Variants in C19orf12 observed in about 807,000 individuals in gnomAD.
C19orf12 encodes chromosome 19 open reading frame 12.
C19orf12 carries 2 observed loss-of-function variants against 3.8 expected under a neutral mutation model. The ratio of observed to expected loss-of-function variants is 0.53; its 90% CI spans 0.22 to 1.66. The LOEUF (loss-of-function observed/expected upper bound fraction) is 1.66. Ranked by LOEUF, C19orf12 falls within the 40% of genes most tolerant of loss-of-function variation. The pLI, the probability that C19orf12 is intolerant of heterozygous loss-of-function variation, is 0.20. For synonymous variants in C19orf12, 89 were observed against 84.6 expected (o/e 1.05, Z -0.28); for missense variants, 156 against 188.8 (o/e 0.83, Z 1.02).
intron 1 of C19orf12, among the ~76,000 whole-genome samples, chr19:29,713,655 G>GT (rs781444340): frequency 2.0e-4 from 30 of 152,194 alleles, no homozygotes; most frequent in Non-Finnish European, 3.8e-4. Context: ...TTAGCTCATA[G>GT]TTGTTGTTTT....
Position 29,699,698 on chromosome 19 carries a change from G to A in C19orf12, c.*3014C>T. 2 of 454,026 alleles carry A rather than the reference G, an allele frequency of 4.4e-6. No individual in the cohort carries two copies. Among genetic ancestry groups the A allele is most frequent in the Non-Finnish European group, 8.8e-6 (2 of 226,774 alleles). The allele number at this position is 454,026 out of a possible 1,614,324, so 28.1% of individuals were successfully genotyped here. A position where few individuals can be genotyped will look rare whatever the true frequency, so the allele number is the denominator to read the frequency against. ...TTTCAGAGACTTACTTTAAAACAGA[G>A]TTAAAGGAATACACATGAAATTGGT... On this transcript the variant is annotated 3_prime_UTR_variant, in exon 3 of 3. Transcript: ENST00000323670.
At chr19:29,714,623 C>A (rs1972859777) in intron 1 of C19orf12, among the ~76,000 whole-genome samples, 1 of 152,096 alleles carries the variant, frequency 6.6e-6, no homozygotes. Context: ...AGCTCCGCTG[C>A]CCCACAGGTG....
chr19:29,714,355 C>T (rs1019381623), intron 1 of C19orf12, among the ~76,000 whole-genome samples: 1 of 151,996 alleles, frequency 6.6e-6, no homozygotes, highest in Admixed American at 6.6e-5. Flanking sequence ...ATTAGCCAGG[C>T]TTGGTGGTGT....
chr19:29,715,285 C>G (rs547652287), upstream of C19orf12: 2,141 of 398,110 alleles, frequency 5.4e-3, 80 homozygotes, highest in South Asian at 0.038. Context: ...GTCCCACCTT[C>G]CGGCTGCGCC....
At position 29,699,642 on chromosome 19, in the gene C19orf12, C is replaced by A. The variant is rs1971969172; in HGVS notation, c.*3070G>T. 2.2e-6 allele frequency: 1 copy of A among 453,752 alleles called. No individual in the cohort carries two copies. 28.1% of individuals were successfully genotyped at this position (453,752 alleles called of 1,614,324 possible). A position where few individuals can be genotyped will look rare whatever the true frequency, so the allele number is the denominator to read the frequency against. ...TTTCTGGGTTTTTCTAGGTTTTCAG[C>A]AACAAATACTGACAAAAGGAAATGA... On this transcript the variant is annotated 3_prime_UTR_variant, in exon 3 of 3. Coordinates refer to ENST00000323670, the MANE Select transcript of C19orf12 (RefSeq NM_031448.6).
intron 2 of C19orf12, among the ~76,000 whole-genome samples, chr19:29,705,891 C>A (rs543430286): frequency 6.6e-6 from 1 of 152,302 alleles, no homozygotes; most frequent in South Asian, 2.1e-4. Context: ...GGAAGATATA[C>A]AGGAATCCTT....
At chr19:29,713,393 T>C (rs1220426075) in intron 1 of C19orf12, among the ~76,000 whole-genome samples, 1 of 152,088 alleles carries the variant, frequency 6.6e-6, no homozygotes, top group African/African-American at 2.4e-5. Flanking sequence ...GCGCCCAGGC[T>C]GCTCTGACAG....
chr19:29,710,402 C>T (rs1031936779), intron 1 of C19orf12, among the ~76,000 whole-genome samples: 8 of 152,118 alleles, frequency 5.3e-5, no homozygotes, highest in African/African-American at 1.9e-4. Context: ...ACCTGTGATT[C>T]TCCACAAGTG....
rs190436177 is a variant in C19orf12 at position 29,700,995 on chromosome 19, G to A, written c.*1717C>T. The A allele has an allele frequency of 2.0e-5, 9 of 454,036 alleles. No homozygotes were observed. The highest frequency in any genetic ancestry group is 8.0e-5 in the African/African-American group (4 of 50,106). 28.1% of individuals were successfully genotyped at this position (454,036 alleles called of 1,614,324 possible). A position where few individuals can be genotyped will look rare whatever the true frequency, so the allele number is the denominator to read the frequency against. On this transcript the variant is annotated 3_prime_UTR_variant, in exon 3 of 3. Coordinates refer to ENST00000323670, the MANE Select transcript of C19orf12 (RefSeq NM_031448.6). ...TAGTTTCAAACTCTTGGCCTCAAGC[G>A]ATCCTCCCACTTTGGCCTCCAAAAG...
rs765750311 is a variant in C19orf12, at chr19:29,701,285, C to T, written c.*1427G>A. 3 of 454,166 alleles carry T rather than the reference C, an allele frequency of 6.6e-6. No individual in the cohort carries two copies. Among genetic ancestry groups the T allele is most frequent in the South Asian group, 4.7e-5 (3 of 64,474 alleles). The allele number at this position is 454,166 out of a possible 1,614,324, so 28.1% of individuals were successfully genotyped here. A position where few individuals can be genotyped will look rare whatever the true frequency, so the allele number is the denominator to read the frequency against. ...GGGATGGGTTCCAGGACTGCAACCT[C>T]AACCCTCAGACACCGACATCTGAGG... is the stretch of plus-strand genomic sequence containing the variant. On this transcript the variant is annotated 3_prime_UTR_variant, in exon 3 of 3. Coordinates refer to ENST00000323670, the MANE Select transcript of C19orf12 (RefSeq NM_031448.6).
Position 29,702,888 on chromosome 19 carries a change from C to T in C19orf12, c.250G>A (p.Glu84Lys), listed in dbSNP as rs774611500. 7 of 1,614,186 alleles carry T rather than the reference C, an allele frequency of 4.3e-6. No individual in the cohort carries two copies. The highest frequency in any genetic ancestry group is 5.9e-6 in the Non-Finnish European group (7 of 1,180,030). The change falls in exon 3 of 3, where the codon GAG becomes AAG. Residue 84 changes from glutamate (E) to lysine (K), a missense_variant. By Grantham distance (56) the Glu-to-Lys change is moderately conservative (BLOSUM62 1). Transcript: ENST00000323670. ...GCTTCGTTAAAGAGCCTCTGTTGCT[C>T]GGCAGGGGGCAGCTCCATTAGGATC... Reference protein sequence around the residue: ...PQILMELPPAEQQRLFNEAAA... With the variant: ...PQILMELPPAKQQRLFNEAAA...
rs1283900373 is a variant in C19orf12 at position 29,700,364 on chromosome 19, T to C, written c.*2348A>G. The C allele has an allele frequency of 2.2e-6, 1 of 454,118 alleles. No individual in the cohort carries two copies. The highest frequency in any genetic ancestry group is 6.9e-5 in the East Asian group (1 of 14,402). The allele number at this position is 454,118 out of a possible 1,614,324, so 28.1% of individuals were successfully genotyped here. A position where few individuals can be genotyped will look rare whatever the true frequency, so the allele number is the denominator to read the frequency against. On this transcript the variant is annotated 3_prime_UTR_variant, in exon 3 of 3. Transcript: ENST00000323670. ...CTTTGAAGCACTGAACCAAACATCTTTGTTGAGGTTTCATTCTCACGATAT... is the reference window on the plus strand; with the variant it reads ...CTTTGAAGCACTGAACCAAACATCTCTGTTGAGGTTTCATTCTCACGATAT...
In C19orf12 at chr19:29,701,534, G is replaced by T. The variant is rs886054317; in HGVS notation, c.*1178C>A. Reference sequence around the variant, plus strand: ...TTTTTTCAAATATTTCCTATCCAAGGCTGGTTGGATCTAAATGTGGAGACC... The same window carrying T: ...TTTTTTCAAATATTTCCTATCCAAGTCTGGTTGGATCTAAATGTGGAGACC... On this transcript the variant is annotated 3_prime_UTR_variant, in exon 3 of 3. Transcript: ENST00000323670. 6.6e-6 allele frequency: 3 copies of T among 453,926 alleles called. No individual in the cohort carries two copies. The highest frequency in any genetic ancestry group is 4.7e-5 in the Admixed American group (2 of 42,530). 28.1% of individuals were successfully genotyped at this position (453,926 alleles called of 1,614,324 possible). A position where few individuals can be genotyped will look rare whatever the true frequency, so the allele number is the denominator to read the frequency against.
chr19:29,708,550 G>A (rs368684090), intron 1 of C19orf12, 127 bp from the exon 2 acceptor site: 11 of 1,220,034 alleles, frequency 9.0e-6, no homozygotes, highest in African/African-American at 3.0e-5. Context: ...AGCTCCAAGC[G>A]CCTGTATGAC....
rs967845061 is a variant in C19orf12 at position 29,699,182 on chromosome 19, C to T, written c.*3530G>A. ...GGCAAGTACGTTAGAAATATACATA[C>T]ATAGGCCGGGCGCAGTGGCTCACGC... On this transcript the variant is annotated 3_prime_UTR_variant, in exon 3 of 3. Transcript: ENST00000323670. The T allele has an allele frequency of 2.2e-5, 10 of 453,696 alleles. No individual in the cohort carries two copies. Among genetic ancestry groups the T allele is most frequent in the Admixed American group, 1.2e-4 (5 of 42,512 alleles). The allele number at this position is 453,696 out of a possible 1,614,324, so 28.1% of individuals were successfully genotyped here.
At chr19:29,712,459 A>C (rs1204675875) in intron 1 of C19orf12, among the ~76,000 whole-genome samples, 1 of 152,112 alleles carries the variant, frequency 6.6e-6, no homozygotes, top group Non-Finnish European at 1.5e-5. Flanking sequence ...GGCACTGATA[A>C]GAAGAGCTAC....
intron 2 of C19orf12, among the ~76,000 whole-genome samples, chr19:29,703,818 C>A (rs1426922253): frequency 6.6e-6 from 1 of 151,958 alleles, no homozygotes; most frequent in African/African-American, 2.4e-5. Flanking sequence ...TGGTGAAACA[C>A]CATCTCTACT....
Position 29,700,393 on chromosome 19 carries a change from C to G in C19orf12, c.*2319G>C, listed in dbSNP as rs1193733523. 4.4e-6 allele frequency: 2 copies of G among 453,974 alleles called. No homozygotes were observed. Among genetic ancestry groups the G allele is most frequent in the Admixed American group, 2.4e-5 (1 of 42,546 alleles). The allele number at this position is 453,974 out of a possible 1,614,324, so 28.1% of individuals were successfully genotyped here. ...TGAGGTTTCATTCTCACGATATCTG[C>G]AAATCAACGTTTTTTCCTTCACACT... On this transcript the variant is annotated 3_prime_UTR_variant, in exon 3 of 3. Coordinates refer to ENST00000323670, the MANE Select transcript of C19orf12 (RefSeq NM_031448.6).
intron 2 of C19orf12, among the ~76,000 whole-genome samples, chr19:29,704,908 C>G (rs927444300): frequency 6.6e-6 from 1 of 152,202 alleles, no homozygotes; most frequent in Non-Finnish European, 1.5e-5. Context: ...GGCTACTTCA[C>G]GCCAGTTCAT....
Sources: allele counts gnomAD v4.1 joint callset (sites outside exome capture counted in the v4.1 genomes callset), GRCh38; gene constraint gnomAD v4.1.1; transcripts MANE v1.5; gene names NCBI Gene and HGNC (gene_info 2026-07-23, HGNC 2026-07-21).